Variants in KCNB2 observed in about 807,000 individuals in gnomAD.
KCNB2 encodes the protein potassium voltage-gated channel subfamily B member 2.
KCNB2 carries 15 observed loss-of-function variants against 61.5 expected under a neutral mutation model. That is an observed-to-expected ratio of 0.24 (90% CI 0.16 to 0.38). KCNB2 has a LOEUF of 0.38. KCNB2 is among the 10% of genes least tolerant of loss of function. The pLI is 1.00. For synonymous variants in KCNB2, 457 were observed against 446.0 expected, an observed-to-expected ratio of 1.02 and a Z score of -0.31; for missense variants, 828 against 1,125.2, an observed-to-expected ratio of 0.74 and a Z score of 3.78.
At chr8:72,739,532 G>A (rs1294530137) in intron 2 of KCNB2, among the ~76,000 whole-genome samples, 1 of 151,872 alleles carries the variant, frequency 6.6e-6, no homozygotes. Context: ...GAAACATGTA[G>A]GAATTAAGCA....
At chr8:72,632,170 C>G (rs115911929) in intron 2 of KCNB2, among the ~76,000 whole-genome samples, 4,040 of 151,918 alleles carry the variant, frequency 0.027, 163 homozygotes, top group African/African-American at 0.09. Context: ...CACATGAGCC[C>G]AAGAGGTTGA....
intron 2 of KCNB2, among the ~76,000 whole-genome samples, chr8:72,914,169 C>T (rs1480586131): frequency 6.6e-6 from 1 of 152,108 alleles, no homozygotes; most frequent in Non-Finnish European, 1.5e-5. Context: ...TCTCCTGGGC[C>T]TCTTTTATAA....
intron 2 of KCNB2, among the ~76,000 whole-genome samples, chr8:72,756,226 G>A (rs1808287470): frequency 6.6e-6 from 1 of 152,214 alleles, no homozygotes; most frequent in Non-Finnish European, 1.5e-5. Context: ...CTAGTGAGTT[G>A]CTAGGAGCAG....
intron 2 of KCNB2, among the ~76,000 whole-genome samples, chr8:72,729,423 C>T (rs1015776793): frequency 3.3e-5 from 5 of 152,298 alleles, no homozygotes; most frequent in Admixed American, 6.5e-5. Flanking sequence ...TGACCATACA[C>T]GGGTTCTCAG....
intron 2 of KCNB2, among the ~76,000 whole-genome samples, chr8:72,767,315 A>G (rs549795154): frequency 1.3e-5 from 2 of 152,296 alleles, no homozygotes; most frequent in South Asian, 2.1e-4. Flanking sequence ...TGTAATTGTT[A>G]TAGTATATTC....
At chr8:72,695,694 T>A (rs1254559707) in intron 2 of KCNB2, among the ~76,000 whole-genome samples, 2 of 152,204 alleles carry the variant, frequency 1.3e-5, no homozygotes, top group African/African-American at 4.8e-5. Flanking sequence ...CTACTCTTTT[T>A]TTTTCTGGCA....
At chr8:72,690,737 A>T (rs918130398) in intron 2 of KCNB2, among the ~76,000 whole-genome samples, 3 of 152,268 alleles carry the variant, frequency 2.0e-5, no homozygotes, top group Admixed American at 6.5e-5. Context: ...AAAATATAAA[A>T]GTACATTATG....
intron 2 of KCNB2, among the ~76,000 whole-genome samples, chr8:72,869,007 T>C (rs1314059868): frequency 6.6e-6 from 1 of 151,992 alleles, no homozygotes; most frequent in Non-Finnish European, 1.5e-5. Context: ...GGGGGCAAGG[T>C]AGGGGATAGT....
At chr8:72,653,848 G>T (rs1806249408) in intron 2 of KCNB2, among the ~76,000 whole-genome samples, 1 of 152,180 alleles carries the variant, frequency 6.6e-6, no homozygotes, top group South Asian at 2.1e-4. Context: ...AATATTTATT[G>T]TAAAGAGTTA....
At chr8:72,923,135 G>A (rs554129703) in intron 2 of KCNB2, among the ~76,000 whole-genome samples, 26 of 152,198 alleles carry the variant, frequency 1.7e-4, no homozygotes, top group Non-Finnish European at 3.7e-4. Context: ...GACTGTCTGG[G>A]TTAAGATAAA....
At chr8:72,817,669 C>T (rs186983841) in intron 2 of KCNB2, among the ~76,000 whole-genome samples, 1 of 152,244 alleles carries the variant, frequency 6.6e-6, no homozygotes, top group East Asian at 1.9e-4. Context: ...ACTTTCTCAA[C>T]AGAAACCCAA....
chr8:72,924,353 C>A (rs1231105295), intron 2 of KCNB2, among the ~76,000 whole-genome samples: 9 of 66,220 alleles, frequency 1.4e-4, no homozygotes, highest in Admixed American at 8.6e-4. Flanking sequence ...GGAGAACCTC[C>A]AATTCTGATT....
At chr8:72,851,337 C>T (rs183144980) in intron 2 of KCNB2, among the ~76,000 whole-genome samples, 66 of 152,278 alleles carry the variant, frequency 4.3e-4, no homozygotes, top group African/African-American at 1.2e-3. Context: ...CTGAGACAAT[C>T]GGTGACAGAA....
chr8:72,624,697 G>A (rs143595522), intron 2 of KCNB2, among the ~76,000 whole-genome samples: 10 of 152,290 alleles, frequency 6.6e-5, no homozygotes, highest in Non-Finnish European at 1.3e-4. Flanking sequence ...TTGATATGGC[G>A]GTCCCCATGA....
chr8:72,659,370 C>G, intron 2 of KCNB2, among the ~76,000 whole-genome samples: 1 of 152,150 alleles, frequency 6.6e-6, no homozygotes, highest in East Asian at 1.9e-4. Context: ...TGAGGAGTTG[C>G]TTCTTATGGA....
At chr8:72,884,068 C>T (rs1805762842) in intron 2 of KCNB2, among the ~76,000 whole-genome samples, 1 of 152,180 alleles carries the variant, frequency 6.6e-6, no homozygotes, top group African/African-American at 2.4e-5. Context: ...ATTCCTCTTT[C>T]TCTTTTCTAG....
chr8:72,902,103 AG>A (rs1242839021), intron 2 of KCNB2, among the ~76,000 whole-genome samples: 1 of 152,180 alleles, frequency 6.6e-6, no homozygotes, highest in African/African-American at 2.4e-5. Context: ...TTTCTTCAGC[AG>A]TGGTCCATGG....
intron 2 of KCNB2, among the ~76,000 whole-genome samples, chr8:72,668,826 T>C (rs529002323): frequency 3.9e-5 from 6 of 152,340 alleles, no homozygotes; most frequent in Non-Finnish European, 8.8e-5. Context: ...GGGTTCATGT[T>C]ATTCCTGTGC....
chr8:72,784,995 A>G (rs1808824111), intron 2 of KCNB2, among the ~76,000 whole-genome samples: 1 of 152,196 alleles, frequency 6.6e-6, no homozygotes, highest in Admixed American at 6.6e-5. Flanking sequence ...TTTAGTCCAC[A>G]TTTCATTACT....
Sources: gnomAD v4.1 joint callset for allele counts (sites outside exome capture counted in the v4.1 genomes callset) on GRCh38, gnomAD v4.1.1 for gene constraint, MANE v1.5 for transcripts, NCBI Gene and HGNC (gene_info 2026-07-23, HGNC 2026-07-21) for gene names.